The following ZNF695 variants were observed in gnomAD, a reference collection of about 807,000 sequenced individuals.
ZNF695 encodes zinc finger protein 695.
ZNF695 carries 11 observed loss-of-function variants against 11.2 expected under a neutral mutation model. The observed-to-expected ratio is 0.98, with a 90% CI of 0.62 to 1.62. The LOEUF is 1.62. Ranked by LOEUF, ZNF695 falls within the 40% of genes most tolerant of loss-of-function variation. The pLI, the probability that ZNF695 is intolerant of heterozygous loss-of-function variation, is 0.00. For synonymous variants in ZNF695, 190 were observed against 201.4 expected, an observed-to-expected ratio of 0.94 and a Z score of 0.48; for missense variants, 559 against 590.5, an observed-to-expected ratio of 0.95 and a Z score of 0.55.
rs1365013279 is a variant in ZNF695 at position 246,988,228 on chromosome 1, A to G, written c.287T>C (p.Ile96Thr). 6.3e-7 allele frequency: 1 copy of G among 1,578,610 alleles called. No homozygotes were observed. The highest frequency in any genetic ancestry group is 2.0e-5 in the Admixed American group (1 of 51,090). ...AACTTGCAGGCCCTGCTCTGGCAAA[A>G]TGTCTTCAGTAAGATAAGAAGACAA... ...SVLSSYLTED[I>T]LPEQGLQVSF... Residue 96 changes from isoleucine to threonine, a missense_variant, in exon 4 of 4, where the codon ATT becomes ACT. Ile to Thr is a moderately conservative substitution (Grantham distance 89). Transcript: ENST00000339986.
At chr1:246,984,280 T>A (rs10924882), downstream of ZNF695, among the ~76,000 whole-genome samples, 75,522 of 130,880 alleles carry the variant, frequency 0.58, 23,270 homozygotes, top group East Asian at 0.97. Flanking sequence ...ACACAGGTTT[T>A]AAAAAAAAAA....
chr1:246,999,245 G>A lies in ZNF695; in HGVS notation c.259+103C>T, dbSNP rs139983825. On this transcript the variant is annotated intron_variant, in intron 3 of 3. Transcript: ENST00000339986. ...AGAAAGAAACCCAGGCTTCTCAGAA[G>A]CCATTTCCTGGGAGTAGAGCTTCCC... The A allele has an allele frequency of 1.5e-3, 1,337 of 869,614 alleles. 7 individuals are homozygous for A. The highest frequency in any genetic ancestry group is 0.01 in the African/African-American group (609 of 59,730). The allele number at this position is 869,614 out of a possible 1,614,324, so 53.9% of individuals were successfully genotyped here. A position where few individuals can be genotyped will look rare whatever the true frequency, so the allele number is the denominator to read the frequency against.
At chr1:247,007,440 G>A (rs1308790413) in intron 1 of ZNF695, among the ~76,000 whole-genome samples, 2 of 143,008 alleles carry the variant, frequency 1.4e-5, no homozygotes, top group Admixed American at 7.4e-5. Context: ...AGGTTGCGGT[G>A]AGCCGAGATC....
In ZNF695 at chr1:246,955,504, C is replaced by G. The variant is rs151320641; in HGVS notation, c.489-9677G>C. Among the ~76,000 whole-genome samples, 6 of 152,202 alleles carry G rather than the reference C, an allele frequency of 3.9e-5. No homozygotes were observed. In the South Asian group the frequency reaches 1.2e-3, roughly 32 times the overall value. On this transcript the variant is annotated intron_variant, in intron 5 of 5. Transcript: ENST00000487338. ...ATTTAATTAAGAGTAGAAGCTCTCC[C>G]GCAGTGTTCTCATATACTCTAAACT...
intron 5 of ZNF695, among the ~76,000 whole-genome samples, chr1:246,959,294 A>AT: frequency 1.6e-5 from 1 of 61,868 alleles, no homozygotes; most frequent in Non-Finnish European, 2.9e-5. Flanking sequence ...AAAAAAAAAA[A>AT]AAAAAAAAAA....
chr1:246,987,821 T>C lies in ZNF695; in HGVS notation c.694A>G (p.Arg232Gly). ...CAATGTTTCTCTCCAACATGAATTC[T>C]CTTACAGTCAGTAAAGCATGAGCAC... ...NECSCFTDCKRIHVGEKHCKC... is the reference protein window; with the variant it reads ...NECSCFTDCKGIHVGEKHCKC... Residue 232 changes from arginine to glycine, a missense_variant, in exon 4 of 4, where the codon AGA becomes GGA. Physicochemically the swap from Arg to Gly is moderately radical, Grantham distance 125. Transcript: ENST00000339986. The C allele has an allele frequency of 6.2e-7, 1 of 1,611,748 alleles. No homozygotes were observed. Among genetic ancestry groups the C allele is most frequent in the South Asian group, 1.1e-5 (1 of 90,458 alleles).
At chr1:246,967,501 T>C (rs1668318945) in intron 5 of ZNF695, 2 of 455,386 alleles carry the variant, frequency 4.4e-6, no homozygotes, top group Admixed American at 4.7e-5. Context: ...AAGGATGATG[T>C]CAAGGTTTTG....
downstream of ZNF695, among the ~76,000 whole-genome samples, chr1:246,984,439 T>C (rs1668796592): frequency 6.6e-6 from 1 of 152,196 alleles, no homozygotes; most frequent in African/African-American, 2.4e-5. Flanking sequence ...GTCCTTTCTC[T>C]GCATGCAGAA....
At chr1:246,959,338 TATATATATATATAA>T (rs1246893985) in intron 5 of ZNF695, among the ~76,000 whole-genome samples, 1 of 108,082 alleles carries the variant, frequency 9.3e-6, no homozygotes, top group African/African-American at 3.8e-5. Context: ...TATATATATA[TATATATATATATAA>T]AATCTCTTTT....
At chr1:247,001,285 G>A (rs1010595517) in intron 1 of ZNF695, among the ~76,000 whole-genome samples, 3 of 152,040 alleles carry the variant, frequency 2.0e-5, no homozygotes, top group Non-Finnish European at 4.4e-5. Flanking sequence ...AAAAAGACAG[G>A]CCAGGAGCAG....
At chr1:246,949,223 G>A (rs1667811724) in intron 5 of ZNF695, among the ~76,000 whole-genome samples, 1 of 152,094 alleles carries the variant, frequency 6.6e-6, no homozygotes, top group Admixed American at 6.6e-5. Flanking sequence ...TCTGTGAGAG[G>A]CAGGTGGAAT....
chr1:246,989,542 G>A (rs2103024622), intron 3 of ZNF695, among the ~76,000 whole-genome samples: 1 of 126,350 alleles, frequency 7.9e-6, no homozygotes, highest in African/African-American at 2.9e-5. Context: ...CTTCACTAAA[G>A]GAACATAGAC....
chr1:247,006,323 G>T (rs116800132), intron 1 of ZNF695, among the ~76,000 whole-genome samples: 1,892 of 149,684 alleles, frequency 0.013, 38 homozygotes, highest in African/African-American at 0.044. Context: ...GCAAATAAAG[G>T]ACAAATAAGC....
downstream of ZNF695, among the ~76,000 whole-genome samples, chr1:246,984,866 A>T (rs936391267): frequency 6.6e-6 from 1 of 152,248 alleles, no homozygotes; most frequent in Admixed American, 6.5e-5. Flanking sequence ...AGAAGATCAC[A>T]TAAGAAATTC....
intron 3 of ZNF695, among the ~76,000 whole-genome samples, chr1:246,997,407 G>A (rs1669243696): frequency 6.6e-6 from 1 of 152,002 alleles, no homozygotes; most frequent in South Asian, 2.1e-4. Context: ...GGAGGCTGAG[G>A]CAGGATAATC....
At chr1:246,955,159 T>C (rs1667957296) in intron 5 of ZNF695, among the ~76,000 whole-genome samples, 1 of 152,214 alleles carries the variant, frequency 6.6e-6, no homozygotes, top group Admixed American at 6.6e-5. Context: ...ACCACGATTG[T>C]GAGGCCTCCC....
At chr1:246,997,428 G>A (rs901218430) in intron 3 of ZNF695, among the ~76,000 whole-genome samples, 9 of 151,988 alleles carry the variant, frequency 5.9e-5, no homozygotes, top group African/African-American at 1.2e-4. Flanking sequence ...TCTTGAACCC[G>A]GGAGGCGGAG....
At chr1:246,995,963 C>T in intron 3 of ZNF695, 1 of 440,910 alleles carries the variant, frequency 2.3e-6, no homozygotes. Context: ...CTTTGCATGC[C>T]CATATTTATT....
intron 5 of ZNF695, among the ~76,000 whole-genome samples, chr1:246,958,086 T>C (rs1306202049): frequency 2.7e-5 from 4 of 150,080 alleles, no homozygotes; most frequent in Non-Finnish European, 4.4e-5. Flanking sequence ...TGAGACAGAG[T>C]CTTGCTCTGT....
Sources: allele counts gnomAD v4.1 joint callset (sites outside exome capture counted in the v4.1 genomes callset), GRCh38; gene constraint gnomAD v4.1.1; transcripts MANE v1.5; gene names NCBI Gene and HGNC (gene_info 2026-07-23, HGNC 2026-07-21).